The following GABRG3 variants were observed in gnomAD, a reference collection of about 807,000 sequenced individuals.
The protein encoded by GABRG3 is gamma-aminobutyric acid receptor subunit gamma-3.
A neutral mutation model predicts 48.8 loss-of-function variants in GABRG3; 25 were observed. The observed-to-expected ratio is 0.51, with a 90% CI of 0.37 to 0.72. The LOEUF (loss-of-function observed/expected upper bound fraction) is 0.72, where lower values mean the gene tolerates loss of function less well. Ranked by LOEUF, GABRG3 falls within the 30% of genes least tolerant of loss-of-function variation. The probability of loss-of-function intolerance (pLI) is 0.00; values close to 1 mark genes in which losing one functional copy is unlikely to be tolerated. For missense variants in GABRG3, 394 were observed against 577.9 expected (o/e 0.68, Z 3.26); for synonymous variants, 227 against 217.6 (o/e 1.04, Z -0.38).
At chr15:27,439,550 T>C (rs1405372274) in intron 5 of GABRG3, among the ~76,000 whole-genome samples, 1 of 152,112 alleles carries the variant, frequency 6.6e-6, no homozygotes, top group East Asian at 1.9e-4. Context: ...TCAAAAATAG[T>C]GATTCCCACG....
At chr15:27,300,695 A>T (rs888757721) in intron 3 of GABRG3, among the ~76,000 whole-genome samples, 1 of 144,946 alleles carries the variant, frequency 6.9e-6, no homozygotes, top group Non-Finnish European at 1.5e-5. Flanking sequence ...AAAAAAAAAA[A>T]AACACCTGGA....
chr15:27,430,753 G>A (rs975059834), intron 5 of GABRG3, among the ~76,000 whole-genome samples: 6 of 152,120 alleles, frequency 3.9e-5, no homozygotes, highest in Admixed American at 3.9e-4. Flanking sequence ...ACTTTGGGAG[G>A]CTGAGGCAGG....
At chr15:27,393,816 C>T (rs1269920054) in intron 5 of GABRG3, among the ~76,000 whole-genome samples, 3 of 152,298 alleles carry the variant, frequency 2.0e-5, no homozygotes, top group Admixed American at 6.5e-5. Flanking sequence ...TAGAAAGGAA[C>T]AGAATGGCAG....
intron 3 of GABRG3, among the ~76,000 whole-genome samples, chr15:27,067,641 C>T (rs1233576302): frequency 6.6e-6 from 1 of 152,224 alleles, no homozygotes; most frequent in African/African-American, 2.4e-5. Context: ...CTCCCCTTCC[C>T]TTTCCTGACT....
intron 3 of GABRG3, among the ~76,000 whole-genome samples, chr15:27,215,037 G>A (rs944240579): frequency 2.6e-5 from 4 of 152,204 alleles, no homozygotes; most frequent in Admixed American, 2.6e-4. Flanking sequence ...TTGCAGATTT[G>A]TGTTTTGCAT....
chr15:27,369,892 C>G (rs62001342), intron 5 of GABRG3, among the ~76,000 whole-genome samples: 23,285 of 151,232 alleles, frequency 0.15, 2,311 homozygotes, highest in African/African-American at 0.28. Flanking sequence ...AGATCTCCAC[C>G]GTCCTCTTTT....
intron 5 of GABRG3, among the ~76,000 whole-genome samples, chr15:27,398,908 G>A (rs988722463): frequency 3.3e-5 from 5 of 152,064 alleles, no homozygotes; most frequent in Admixed American, 6.6e-5. Context: ...ATTAAGAGCC[G>A]GGAAGGGGAA....
intron 9 of GABRG3, among the ~76,000 whole-genome samples, chr15:27,528,401 C>G (rs74551518): frequency 6.6e-6 from 1 of 152,174 alleles, no homozygotes; most frequent in African/African-American, 2.4e-5. Context: ...ATGACCATAT[C>G]ATATGCTCAT....
chr15:26,973,247 G>T (rs1311390312), intron 1 of GABRG3, among the ~76,000 whole-genome samples: 3 of 152,100 alleles, frequency 2.0e-5, no homozygotes, highest in African/African-American at 4.8e-5. Context: ...AAAACAGTCC[G>T]GTTACTGGGG....
intron 5 of GABRG3, among the ~76,000 whole-genome samples, chr15:27,353,730 G>A (rs374854069): frequency 4.1e-4 from 63 of 152,194 alleles, no homozygotes; most frequent in African/African-American, 1.3e-3. Flanking sequence ...GGGGTGAGCC[G>A]TGGTGCCCAG....
At chr15:27,415,445 A>G (rs772932659) in intron 5 of GABRG3, among the ~76,000 whole-genome samples, 5 of 151,974 alleles carry the variant, frequency 3.3e-5, no homozygotes, top group Admixed American at 6.6e-5. Flanking sequence ...CGTGTTGTCT[A>G]CTTTATCCAT....
At chr15:27,528,818 T>A (rs1891347346) in intron 9 of GABRG3, among the ~76,000 whole-genome samples, 2 of 152,114 alleles carry the variant, frequency 1.3e-5, no homozygotes, top group African/African-American at 4.8e-5. Context: ...GTGGTGTATA[T>A]GTTACATATT....
At chr15:27,343,782 G>T (rs2140530376) in intron 5 of GABRG3, among the ~76,000 whole-genome samples, 1 of 152,308 alleles carries the variant, frequency 6.6e-6, no homozygotes, top group Middle Eastern at 3.4e-3. Context: ...TTTAAAAAAG[G>T]CATAGTTGAG....
intron 3 of GABRG3, among the ~76,000 whole-genome samples, chr15:27,028,970 G>A (rs994263978): frequency 6.6e-6 from 1 of 152,156 alleles, no homozygotes; most frequent in African/African-American, 2.4e-5. Context: ...ATGGCCGGGG[G>A]CATTGTAAGC....
chr15:27,114,493 A>G (rs748466320), intron 3 of GABRG3, among the ~76,000 whole-genome samples: 17 of 152,234 alleles, frequency 1.1e-4, no homozygotes, highest in Non-Finnish European at 2.5e-4. Flanking sequence ...GCTTTAATCC[A>G]TAACACATGC....
At chr15:27,304,144 T>C (rs1487965911) in intron 3 of GABRG3, among the ~76,000 whole-genome samples, 1 of 151,944 alleles carries the variant, frequency 6.6e-6, no homozygotes, top group Non-Finnish European at 1.5e-5. Flanking sequence ...TTGTGCAGCA[T>C]TGAAAGCTTT....
intron 5 of GABRG3, among the ~76,000 whole-genome samples, chr15:27,436,881 A>C (rs1888628300): frequency 6.6e-6 from 1 of 152,136 alleles, no homozygotes; most frequent in Admixed American, 6.5e-5. Context: ...CTGTGGTCCC[A>C]GCTACACAGA....
intron 3 of GABRG3, among the ~76,000 whole-genome samples, chr15:27,308,424 T>TAAACATACCTGTTTATATAAACATATGC (rs1892819362): frequency 6.8e-6 from 1 of 146,438 alleles, no homozygotes; most frequent in African/African-American, 2.5e-5. Context: ...ACATGTAATG[T>TAAACATACCTGTTTATATAAACATATGC]AAACATACCT....
chr15:27,513,821 T>G (rs1274245773), intron 6 of GABRG3, among the ~76,000 whole-genome samples: 1 of 152,164 alleles, frequency 6.6e-6, no homozygotes, highest in Non-Finnish European at 1.5e-5. Flanking sequence ...AACACGAACT[T>G]AAATATAAAT....
Sources: gnomAD v4.1 joint callset for allele counts (sites outside exome capture counted in the v4.1 genomes callset) on GRCh38, gnomAD v4.1.1 for gene constraint, MANE v1.5 for transcripts, NCBI Gene and HGNC (gene_info 2026-07-23, HGNC 2026-07-21) for gene names.